The following FTO variants were observed in gnomAD, a reference collection of about 807,000 sequenced individuals.
FTO encodes the protein FTO alpha-ketoglutarate dependent dioxygenase.
Under a neutral mutation model 63.9 loss-of-function variants are expected in FTO, and 47 were observed. The observed-to-expected ratio is 0.74, with a 90% CI of 0.58 to 0.94. The LOEUF (loss-of-function observed/expected upper bound fraction) is 0.94, where lower values mean the gene tolerates loss of function less well. Ranked by LOEUF, FTO falls within the 40% of genes least tolerant of loss-of-function variation. The pLI, the probability that FTO is intolerant of heterozygous loss-of-function variation, is 0.00. For missense variants in FTO, 562 were observed against 618.1 expected (o/e 0.91, Z 0.96); for synonymous variants, 207 against 224.4 (o/e 0.92, Z 0.69).
At position 54,062,865 on chromosome 16, in the gene FTO, AATAG is replaced by A. The variant is rs559324645; in HGVS notation, c.1365-48892_1365-48889del. On this transcript the variant is annotated intron_variant, in intron 8 of 8. Transcript: ENST00000471389. ...GTGCCACCACTCACCTGCAGTGACA[AATAG>A]ATAGTCATGAAGGATTGGAAATCCT... Among the ~76,000 whole-genome samples the A allele has an allele frequency of 2.1e-3, 326 of 152,336 alleles. 1 individual carries two copies. Among genetic ancestry groups the A allele is most frequent in the African/African-American group, 7.6e-3 (316 of 41,566 alleles).
At chr16:53,921,908 C>G (rs77638287) in intron 7 of FTO, among the ~76,000 whole-genome samples, 3,288 of 152,062 alleles carry the variant, frequency 0.022, 42 homozygotes, top group Middle Eastern at 0.037. Flanking sequence ...TATGTATAAT[C>G]TACCAACACT....
chr16:53,745,257 T>C (rs759230653), intron 1 of FTO, among the ~76,000 whole-genome samples: 1 of 152,190 alleles, frequency 6.6e-6, no homozygotes, highest in Non-Finnish European at 1.5e-5. Flanking sequence ...ATAGGGCGGC[T>C]CTAAGGAATG....
chr16:53,744,621 T>C (rs958019957), intron 1 of FTO, among the ~76,000 whole-genome samples: 2 of 152,222 alleles, frequency 1.3e-5, no homozygotes, highest in Non-Finnish European at 2.9e-5. Flanking sequence ...CTGTCACTTC[T>C]ACCTCTTTGT....
At chr16:53,910,664 G>A (rs2081665977) in intron 7 of FTO, among the ~76,000 whole-genome samples, 1 of 152,152 alleles carries the variant, frequency 6.6e-6, no homozygotes, top group African/African-American at 2.4e-5. Flanking sequence ...AGCCTCCCAA[G>A]TAGTGGTATT....
At chr16:53,783,336 G>C (rs1336331098) in intron 1 of FTO, among the ~76,000 whole-genome samples, 1 of 152,070 alleles carries the variant, frequency 6.6e-6, no homozygotes, top group African/African-American at 2.4e-5. Flanking sequence ...ATACAGGCCA[G>C]GTGTGGTGGC....
chr16:54,035,973 A>G (rs2084932991), intron 8 of FTO, among the ~76,000 whole-genome samples: 2 of 152,334 alleles, frequency 1.3e-5, no homozygotes, highest in South Asian at 4.1e-4. Flanking sequence ...AAACACAGTT[A>G]TCACATGCAG....
chr16:53,931,294 G>GT lies in FTO; in HGVS notation c.1240-2690dup, dbSNP rs531499997. Among the ~76,000 whole-genome samples the GT allele has an allele frequency of 5.7e-3, 765 of 134,660 alleles. 7 individuals are homozygous for GT. The highest frequency in any genetic ancestry group is 0.02 in the African/African-American group (722 of 35,456). The allele number at this position is 134,660 out of a possible 152,430, so 88.3% of individuals were successfully genotyped here. ...ATCCACAGATATAACCACAAACTAT[G>GT]TGACTTTTTTTTTTTTTTTTTTTTT... is the stretch of plus-strand genomic sequence containing the variant. On this transcript the variant is annotated intron_variant, in intron 7 of 8. Coordinates refer to ENST00000471389, the MANE Select transcript of FTO (RefSeq NM_001080432.3).
chr16:53,781,532 GTGACC>G (rs1238016982), intron 1 of FTO, among the ~76,000 whole-genome samples: 1 of 152,188 alleles, frequency 6.6e-6, no homozygotes, highest in Non-Finnish European at 1.5e-5. Context: ...GTGTAGGGTA[GTGACC>G]TTGGGGTTGG....
At chr16:53,894,762 A>G (rs2081236473) in intron 7 of FTO, among the ~76,000 whole-genome samples, 1 of 152,132 alleles carries the variant, frequency 6.6e-6, no homozygotes, top group South Asian at 2.1e-4. Flanking sequence ...AGAGCAGAGT[A>G]TATTATAGTA....
intron 1 of FTO, among the ~76,000 whole-genome samples, chr16:53,770,059 CAG>C (rs2077298742): frequency 6.6e-6 from 1 of 152,122 alleles, no homozygotes; most frequent in Non-Finnish European, 1.5e-5. Context: ...ATCTCAGCCA[CAG>C]AGTTTTTCAG....
intron 8 of FTO, among the ~76,000 whole-genome samples, chr16:53,966,331 T>C (rs528804626): frequency 2.0e-5 from 3 of 152,356 alleles, no homozygotes; most frequent in South Asian, 2.1e-4. Flanking sequence ...TCTTGGAACA[T>C]TCTATGTGGA....
At chr16:53,741,641 A>T (rs1034428015) in intron 1 of FTO, among the ~76,000 whole-genome samples, 14 of 152,352 alleles carry the variant, frequency 9.2e-5, no homozygotes, top group African/African-American at 3.1e-4. Flanking sequence ...TCATTGAGGA[A>T]CCAGGATCTT....
intron 3 of FTO, among the ~76,000 whole-genome samples, chr16:53,840,718 A>G (rs1192322701): frequency 3.3e-5 from 5 of 152,184 alleles, no homozygotes; most frequent in Admixed American, 1.3e-4. Flanking sequence ...AGTAAGGGTC[A>G]CAGACTTTGC....
chr16:54,039,576 G>C (rs914038901), intron 8 of FTO: 3 of 152,176 alleles, frequency 2.0e-5, no homozygotes, highest in Non-Finnish European at 2.9e-5. Flanking sequence ...ACTATGCTAA[G>C]TCCTGAGCAG....
chr16:53,995,399 C>T (rs990057879), intron 8 of FTO, among the ~76,000 whole-genome samples: 5 of 152,172 alleles, frequency 3.3e-5, no homozygotes, highest in African/African-American at 1.2e-4. Context: ...ATTCGTCAGC[C>T]CACACGATAC....
intron 8 of FTO, among the ~76,000 whole-genome samples, chr16:54,088,323 G>A (rs954420480): frequency 2.1e-4 from 32 of 152,164 alleles, no homozygotes; most frequent in Admixed American, 6.5e-5. Flanking sequence ...TTCTTTCAGA[G>A]AAGTCCATAT....
chr16:53,853,730 G>T (rs1283665484), intron 4 of FTO, among the ~76,000 whole-genome samples: 2 of 151,912 alleles, frequency 1.3e-5, no homozygotes, highest in African/African-American at 4.8e-5. Flanking sequence ...AACAGTTGTT[G>T]GGCACTTTGG....
At chr16:53,747,899 C>T (rs931763591) in intron 1 of FTO, among the ~76,000 whole-genome samples, 2 of 152,124 alleles carry the variant, frequency 1.3e-5, no homozygotes, top group Non-Finnish European at 2.9e-5. Flanking sequence ...CCAGTTTTCT[C>T]AACACCGTTT....
intron 1 of FTO, among the ~76,000 whole-genome samples, chr16:53,718,601 G>T (rs2075952362): frequency 6.6e-6 from 1 of 151,994 alleles, no homozygotes; most frequent in South Asian, 2.1e-4. Context: ...TATACTTCGG[G>T]ATTCTAGTAT....
Sources: allele counts gnomAD v4.1 joint callset (sites outside exome capture counted in the v4.1 genomes callset), GRCh38; gene constraint gnomAD v4.1.1; transcripts MANE v1.5; gene names NCBI Gene and HGNC (gene_info 2026-07-23, HGNC 2026-07-21).